Variants in ALPK1 observed in about 807,000 individuals in gnomAD.
ALPK1 encodes alpha-protein kinase 1.
In ALPK1, 110 loss-of-function variants were observed where a neutral mutation model predicts 120.6. The observed-to-expected ratio is 0.91, with a 90% CI of 0.78 to 1.07. The LOEUF (loss-of-function observed/expected upper bound fraction) is 1.07. Among genes scored for constraint, ALPK1 ranks in the 50% least tolerant of loss-of-function variants. ALPK1 has a pLI of 0.00. For missense variants in ALPK1, 1,498 were observed against 1,483.9 expected (o/e 1.01, Z -0.16); for synonymous variants, 582 against 560.3 (o/e 1.04, Z -0.55).
chr4:112,337,276 T>A (rs1452454258), intron 2 of ALPK1, among the ~76,000 whole-genome samples: 2 of 152,246 alleles, frequency 1.3e-5, no homozygotes, highest in East Asian at 3.8e-4. Context: ...CATTTTATAC[T>A]TCTTCGCTTT....
chr4:112,314,811 C>T (rs1007141805), intron 1 of ALPK1, among the ~76,000 whole-genome samples: 1 of 150,620 alleles, frequency 6.6e-6, no homozygotes. Flanking sequence ...GGAGAATAAG[C>T]TGGCCTTTGA....
chr4:112,440,509 A>G (rs1011135457), intron 14 of ALPK1, among the ~76,000 whole-genome samples: 1 of 139,544 alleles, frequency 7.2e-6, no homozygotes, highest in African/African-American at 2.5e-5. Context: ...GAGTGTCTGC[A>G]CTCAATAAAT....
At chr4:112,415,956 T>C (rs1472601615) in intron 5 of ALPK1, among the ~76,000 whole-genome samples, 2 of 152,234 alleles carry the variant, frequency 1.3e-5, no homozygotes, top group Admixed American at 6.5e-5. Flanking sequence ...ATGTATTTAT[T>C]ATCATCAGCT....
chr4:112,411,293 C>T (rs1477105991), intron 4 of ALPK1, among the ~76,000 whole-genome samples: 2 of 152,176 alleles, frequency 1.3e-5, no homozygotes, highest in African/African-American at 4.8e-5. Context: ...GGCTGGATCT[C>T]GGCTCCCTGC....
intron 2 of ALPK1, among the ~76,000 whole-genome samples, chr4:112,343,739 A>T (rs374055230): frequency 1.2e-5 from 1 of 83,544 alleles, no homozygotes; most frequent in Non-Finnish European, 2.6e-5. Context: ...CCCAACCCCC[A>T]CCCTTTCCCC....
In ALPK1 at chr4:112,435,210, T is replaced by C. The variant is rs1212650852; in HGVS notation, c.3097T>C (p.Tyr1033His). The C allele has an allele frequency of 1.9e-6, 3 of 1,613,686 alleles. No homozygotes were observed. The highest frequency in any genetic ancestry group is 1.7e-5 in the Admixed American group (1 of 59,930). ...ELWTAQETIVYLGDYLTVKKK... is the reference protein window; with the variant it reads ...ELWTAQETIVHLGDYLTVKKK... ...GTGGACGGCCCAGGAAACTATTGTCTATTTGGGGGACTACTTGACTGTGAA... is the reference window on the plus strand; with the variant it reads ...GTGGACGGCCCAGGAAACTATTGTCCATTTGGGGGACTACTTGACTGTGAA... The change falls in exon 12 of 16, where the codon TAT becomes CAT. Residue 1033 changes from tyrosine to histidine, a missense_variant. Transcript: ENST00000650871.
intron 5 of ALPK1, among the ~76,000 whole-genome samples, chr4:112,415,663 AAAG>A: frequency 1.0e-5 from 1 of 95,284 alleles, no homozygotes; most frequent in Middle Eastern, 5.4e-3. Flanking sequence ...AGAAAACAAA[AAAG>A]AAAAAAAAAG....
chr4:112,418,451 C>G (rs938620692), intron 5 of ALPK1, among the ~76,000 whole-genome samples: 2 of 152,194 alleles, frequency 1.3e-5, no homozygotes, highest in Non-Finnish European at 2.9e-5. Flanking sequence ...AATGAGGAGA[C>G]AGATGCTACA....
In ALPK1 at chr4:112,431,397, T is replaced by C. The variant is rs756421512; in HGVS notation, c.1850T>C (p.Val617Ala). 6.2e-7 allele frequency: 1 copy of C among 1,614,212 alleles called. No homozygotes were observed. Among genetic ancestry groups the C allele is most frequent in the Non-Finnish European group, 8.5e-7 (1 of 1,180,026 alleles). The change falls in exon 11 of 16, where the codon GTG (valine) becomes GCG (alanine). Residue 617 changes from valine to alanine, a missense_variant. Physicochemically the swap from Val to Ala is moderately conservative, Grantham distance 64. Coordinates refer to ENST00000650871, the MANE Select transcript of ALPK1 (RefSeq NM_025144.4). ...ARKEPGKEHL[V>A]DTQCSTALSE... ...AAAGAGCCTGGCAAAGAACATCTGG[T>C]GGACACTCAGTGTTCCACTGCCTTG...
chr4:112,308,067 A>T (rs1181458639), intron 1 of ALPK1, among the ~76,000 whole-genome samples: 3 of 152,094 alleles, frequency 2.0e-5, no homozygotes, highest in Non-Finnish European at 4.4e-5. Flanking sequence ...AGAATGTTGA[A>T]TATTGGCCCC....
intron 1 of ALPK1, among the ~76,000 whole-genome samples, chr4:112,301,652 T>C (rs1438232978): frequency 2.0e-5 from 3 of 152,200 alleles, no homozygotes; most frequent in Admixed American, 1.3e-4. Flanking sequence ...GCACTTGTGA[T>C]AGAGACTTGT....
rs940893042 is a variant in ALPK1 at position 112,426,497 on chromosome 4, G to A, written c.653G>A (p.Trp218Ter). The change falls in exon 8 of 16, where the codon TGG (tryptophan) becomes TAG (stop). Residue 218 changes from tryptophan (W) to a stop codon, truncating the protein, a stop_gained. Transcript: ENST00000650871. LOFTEE classifies it high-confidence loss of function. ...TGGTACGAAGCAGCAGAGTTAATATGGGCCTCCATTGTAGGATATTTGGCA... is the reference window on the plus strand; with the variant it reads ...TGGTACGAAGCAGCAGAGTTAATATAGGCCTCCATTGTAGGATATTTGGCA... ...GMWYEAAELI[W>*]ASIVGYLALP... The A allele has an allele frequency of 6.3e-7, 1 of 1,594,868 alleles. No individual in the cohort carries two copies. The highest frequency in any genetic ancestry group is 8.5e-7 in the Non-Finnish European group (1 of 1,171,994).
At chr4:112,351,640 A>C (rs1354155442) in intron 2 of ALPK1, among the ~76,000 whole-genome samples, 1 of 151,938 alleles carries the variant, frequency 6.6e-6, no homozygotes, top group Non-Finnish European at 1.5e-5. Flanking sequence ...TGCCCAGCTA[A>C]TTTTTGTGTT....
At chr4:112,404,355 A>C (rs1733070135) in intron 4 of ALPK1, among the ~76,000 whole-genome samples, 1 of 152,076 alleles carries the variant, frequency 6.6e-6, no homozygotes, top group African/African-American at 2.4e-5. Flanking sequence ...TTTATTAAGC[A>C]CCCACAATCT....
rs189700232 is a variant in ALPK1, at chr4:112,417,333, A to T, written c.475+5308A>T. ...ATACATTTAGCCATATAAGATTAAA[A>T]TAAAAGGAAATTATATGGCAATATC... On this transcript the variant is annotated intron_variant, in intron 5 of 15. Coordinates refer to ENST00000650871, the MANE Select transcript of ALPK1 (RefSeq NM_025144.4). Among the ~76,000 whole-genome samples the T allele has an allele frequency of 1.7e-3, 265 of 152,366 alleles. 2 individuals carry two copies. The highest frequency in any genetic ancestry group is 6.2e-3 in the African/African-American group (256 of 41,580).
At chr4:112,349,991 A>T (rs928065826) in intron 2 of ALPK1, among the ~76,000 whole-genome samples, 2 of 152,248 alleles carry the variant, frequency 1.3e-5, no homozygotes, top group African/African-American at 2.4e-5. Context: ...GAAAACTGAG[A>T]CATGATTTGC....
intron 2 of ALPK1, among the ~76,000 whole-genome samples, chr4:112,318,524 C>A (rs1365494028): frequency 6.6e-6 from 1 of 152,218 alleles, no homozygotes. Context: ...TCACTTATGA[C>A]CTAACATGGA....
intron 2 of ALPK1, among the ~76,000 whole-genome samples, chr4:112,338,834 T>C (rs930951529): frequency 6.6e-6 from 1 of 152,206 alleles, no homozygotes; most frequent in Non-Finnish European, 1.5e-5. Context: ...AGTGCCAAAG[T>C]GGTTCACAGG....
In ALPK1 at chr4:112,414,608, C is replaced by CAA. The variant is rs397975906; in HGVS notation, c.475+2595_475+2596dup. The CAA allele has an allele frequency of 8.3e-3, 1,223 of 146,898 alleles. 9 individuals are homozygous for CAA. Among genetic ancestry groups the CAA allele is most frequent in the Non-Finnish European group, 0.01 (669 of 66,852 alleles). 9.1% of individuals were successfully genotyped at this position (146,898 alleles called of 1,614,324 possible). On this transcript the variant is annotated intron_variant, in intron 5 of 15. Transcript: ENST00000650871. ...GGGGCACAAGATCAAGACTTCGTCT[C>CAA]AAAAAAAAAAAAAGAGAGACGACTC...
Sources: gnomAD v4.1 joint callset for allele counts (sites outside exome capture counted in the v4.1 genomes callset) on GRCh38, gnomAD v4.1.1 for gene constraint, MANE v1.5 for transcripts, NCBI Gene and HGNC (gene_info 2026-07-23, HGNC 2026-07-21) for gene names.